EYA2: variants seen among roughly 807,000 people sequenced by gnomAD.
The protein encoded by EYA2 is protein phosphatase EYA2.
Under a neutral mutation model 69.2 loss-of-function variants are expected in EYA2, and 31 were observed. That is an observed-to-expected ratio of 0.45 (90% confidence interval 0.34 to 0.60). The LOEUF (loss-of-function observed/expected upper bound fraction) is 0.60, where lower values mean the gene tolerates loss of function less well. EYA2 is among the 20% of genes least tolerant of loss of function. EYA2 has a pLI of 0.02. For missense variants in EYA2, 622 were observed against 701.2 expected (o/e 0.89, Z 1.28); for synonymous variants, 257 against 279.4 (o/e 0.92, Z 0.80).
In EYA2 at chr20:47,048,031, T is replaced by C. The variant is rs8120010; in HGVS notation, c.416-24154T>C. Among the ~76,000 whole-genome samples, 874 of 152,266 alleles carry C rather than the reference T, an allele frequency of 5.7e-3. 8 individuals are homozygous for C. Among genetic ancestry groups the C allele is most frequent in the African/African-American group, 0.02 (834 of 41,540 alleles). The stretch of plus-strand genomic sequence containing the variant: ...TATTGGGCTCACTGATAATCCAGGA[T>C]CATCTGCCCATCTCAAGGCCATTAA... On this transcript the variant is annotated intron_variant, in intron 5 of 15. Coordinates refer to ENST00000327619, the MANE Select transcript of EYA2 (RefSeq NM_005244.5).
intron 1 of EYA2, among the ~76,000 whole-genome samples, chr20:46,988,812 C>T (rs1981460584): frequency 1.3e-5 from 2 of 152,216 alleles, no homozygotes; most frequent in Admixed American, 1.3e-4. Flanking sequence ...AGGTGATCCT[C>T]CCACCTCAGC....
chr20:47,117,582 C>T (rs2032935607), intron 9 of EYA2: 1 of 985,266 alleles, frequency 1.0e-6, no homozygotes, highest in African/African-American at 1.7e-5. Context: ...GGGATTCAAT[C>T]AGATCCAGTT....
At chr20:47,089,704 G>A (rs1160301182) in intron 8 of EYA2, among the ~76,000 whole-genome samples, 1 of 152,132 alleles carries the variant, frequency 6.6e-6, no homozygotes, top group Admixed American at 6.5e-5. Context: ...TTTCTGACAA[G>A]CCCCCAGATG....
chr20:47,009,805 G>A (rs1982948573), intron 4 of EYA2, among the ~76,000 whole-genome samples: 1 of 152,214 alleles, frequency 6.6e-6, no homozygotes, highest in Admixed American at 6.5e-5. Flanking sequence ...ATGAACAACA[G>A]ATGACATTTG....
At chr20:47,137,115 C>T (rs1216305020) in intron 9 of EYA2, among the ~76,000 whole-genome samples, 1 of 152,118 alleles carries the variant, frequency 6.6e-6, no homozygotes, top group African/African-American at 2.4e-5. Context: ...TACCTCCTCT[C>T]AGTTCATTCT....
intron 1 of EYA2, among the ~76,000 whole-genome samples, chr20:46,923,693 G>GGT (rs146269190): frequency 2.3e-4 from 35 of 151,124 alleles, no homozygotes; most frequent in Middle Eastern, 3.4e-3. Flanking sequence ...ACGTGTGCTG[G>GGT]GTGTGTGTGT....
intron 1 of EYA2, among the ~76,000 whole-genome samples, chr20:46,926,580 A>C (rs1985424018): frequency 6.6e-6 from 1 of 152,118 alleles, no homozygotes; most frequent in Non-Finnish European, 1.5e-5. Flanking sequence ...CATGTACTTT[A>C]CTGAGTCCAC....
At chr20:47,119,437 T>G (rs538881405) in intron 9 of EYA2, among the ~76,000 whole-genome samples, 1 of 152,122 alleles carries the variant, frequency 6.6e-6, no homozygotes, top group South Asian at 2.1e-4. Flanking sequence ...GAAATGACCA[T>G]CAATGGATGA....
intron 9 of EYA2, among the ~76,000 whole-genome samples, chr20:47,138,419 A>C (rs2033525417): frequency 6.6e-6 from 1 of 152,194 alleles, no homozygotes; most frequent in Non-Finnish European, 1.5e-5. Flanking sequence ...AAAAATGTTT[A>C]ATTACATGAT....
At chr20:46,928,882 T>C (rs759652065) in intron 1 of EYA2, among the ~76,000 whole-genome samples, 2 of 152,116 alleles carry the variant, frequency 1.3e-5, no homozygotes, top group African/African-American at 2.4e-5. Context: ...GCTGTGCCGA[T>C]GTTAGGGGCC....
At chr20:47,022,322 G>A (rs1195855277) in intron 5 of EYA2, among the ~76,000 whole-genome samples, 1 of 151,962 alleles carries the variant, frequency 6.6e-6, no homozygotes, top group East Asian at 1.9e-4. Context: ...TAATTAAATT[G>A]TTTCTTGTTG....
chr20:46,979,711 C>T (rs988320811), intron 1 of EYA2: 1 of 152,184 alleles, frequency 6.6e-6, no homozygotes, highest in Non-Finnish European at 1.5e-5. Context: ...AACTCTGCCC[C>T]TCAAACCACA....
chr20:47,083,811 A>G (rs956063377), intron 7 of EYA2, among the ~76,000 whole-genome samples: 1 of 152,254 alleles, frequency 6.6e-6, no homozygotes, highest in Non-Finnish European at 1.5e-5. Flanking sequence ...ATACAAATTT[A>G]AAACTGTTCA....
chr20:47,117,248 G>T (rs892404720), intron 9 of EYA2, among the ~76,000 whole-genome samples: 1 of 152,146 alleles, frequency 6.6e-6, no homozygotes, highest in African/African-American at 2.4e-5. Flanking sequence ...GGCCTCAAAT[G>T]ATCCGCCCGC....
intron 1 of EYA2, among the ~76,000 whole-genome samples, chr20:46,917,216 G>A (rs117157119): frequency 0.023 from 3,512 of 152,222 alleles, 70 homozygotes; most frequent in Non-Finnish European, 0.035. Context: ...TTTCAACTAG[G>A]ACTGTTTATG....
chr20:47,084,022 G>C (rs1004399121), intron 7 of EYA2, among the ~76,000 whole-genome samples: 1 of 152,172 alleles, frequency 6.6e-6, no homozygotes, highest in Non-Finnish European at 1.5e-5. Flanking sequence ...AAGGCAGGCA[G>C]GTCACCTGAG....
At chr20:47,062,889 T>A (rs2030948928) in intron 5 of EYA2, among the ~76,000 whole-genome samples, 1 of 152,060 alleles carries the variant, frequency 6.6e-6, no homozygotes, top group Admixed American at 6.5e-5. Flanking sequence ...TCAGATATAG[T>A]CTCTTCTCTC....
In EYA2 at chr20:47,074,198, C is replaced by G. The variant is rs991612630; in HGVS notation, c.524C>G (p.Pro175Arg). 2.5e-6 allele frequency: 4 copies of G among 1,613,792 alleles called. No homozygotes were observed. The African/African-American group carries it at 4.0e-5, about 16-fold the overall frequency. The change falls in exon 7 of 16, where the codon CCC becomes CGC. Residue 175 changes from proline (P) to arginine (R), a missense_variant. This residue lies in a region of EYA2 where 365 missense variants were observed against 349.7 expected (regional missense o/e 1.04). Transcript: ENST00000327619. The part of the protein sequence containing the change: ...SYPGFPQSQY[P>R]QYYGSSYNPP... Reference sequence around the variant, plus strand: ...CCCGGCTTCCCCCAGAGCCAGTACCCCCAGTATTACGGCTCATCCTACAAC... The same window carrying G: ...CCCGGCTTCCCCCAGAGCCAGTACCGCCAGTATTACGGCTCATCCTACAAC...
chr20:47,183,167 C>A, intron 14 of EYA2, 124 bp from the exon 15 acceptor site: 2 of 829,524 alleles, frequency 2.4e-6, no homozygotes, highest in Non-Finnish European at 3.9e-6. Flanking sequence ...TGCTCAAGAA[C>A]GAAATGATGA....
Sources: gnomAD v4.1 joint callset for allele counts (sites outside exome capture counted in the v4.1 genomes callset) on GRCh38, gnomAD v4.1.1 for gene constraint, gnomAD v4.1.1 regional missense constraint, MANE v1.5 for transcripts, NCBI Gene and HGNC (gene_info 2026-07-23, HGNC 2026-07-21) for gene names.